Variants in CLIP4 observed in about 807,000 individuals in gnomAD.
The protein encoded by CLIP4 is CAP-Gly domain-containing linker protein 4.
Under a neutral mutation model 73.1 loss-of-function variants are expected in CLIP4, and 47 were observed. The ratio of observed to expected loss-of-function variants is 0.64; its 90% CI spans 0.51 to 0.82. The LOEUF (loss-of-function observed/expected upper bound fraction) is 0.82, where lower values mean the gene tolerates loss of function less well. Ranked by LOEUF, CLIP4 falls within the 40% of genes least tolerant of loss-of-function variation. The probability of loss-of-function intolerance (pLI) is 0.00; values close to 1 mark genes in which losing one functional copy is unlikely to be tolerated. For synonymous variants in CLIP4, 306 were observed against 295.4 expected (o/e 1.04, Z -0.37); for missense variants, 874 against 852.9 (o/e 1.02, Z -0.31).
intron 5 of CLIP4, among the ~76,000 whole-genome samples, chr2:29,135,055 T>C (rs2147962191): frequency 1.3e-5 from 2 of 152,326 alleles, no homozygotes; most frequent in African/African-American, 4.8e-5. Context: ...TCCATAGTTG[T>C]AGCATGGAAG....
chr2:29,151,530 T>C (rs201579036), intron 8 of CLIP4, among the ~76,000 whole-genome samples: 2 of 151,790 alleles, frequency 1.3e-5, no homozygotes, highest in African/African-American at 4.8e-5. Flanking sequence ...TAAATAAGTT[T>C]AAAAAAGATA....
Position 29,146,224 on chromosome 2 carries a change from C to T in CLIP4, c.1021+857C>T, listed in dbSNP as rs536854835. Among the ~76,000 whole-genome samples, 14 of 152,206 alleles carry T rather than the reference C, an allele frequency of 9.2e-5. No individual in the cohort carries two copies. The East Asian group carries it at 2.5e-3, about 27-fold the overall frequency. On this transcript the variant is annotated intron_variant, in intron 8 of 15. Transcript: ENST00000320081. ...CAGCAGTATAGTGATTGGGAGAAGGCCTCTGACCAGGGGCACGCCCAGCTC... is the reference window on the plus strand; with the variant it reads ...CAGCAGTATAGTGATTGGGAGAAGGTCTCTGACCAGGGGCACGCCCAGCTC...
At chr2:29,106,465 A>ACAGCTATT (rs1268645259) in intron 1 of CLIP4, among the ~76,000 whole-genome samples, 6 of 152,178 alleles carry the variant, frequency 3.9e-5, no homozygotes, top group African/African-American at 1.4e-4. Flanking sequence ...TCTTATGATC[A>ACAGCTATT]CAGCTATTCA....
rs1358391551 is a variant in CLIP4 at position 29,167,474 on chromosome 2, A to G, written c.1659-2A>G. Reference sequence around the variant, plus strand: ...ACGAGATGTCCTTTGTTTTATTCATAGAGTAACAGATTCCCTGGATACCCT... The same window carrying G: ...ACGAGATGTCCTTTGTTTTATTCATGGAGTAACAGATTCCCTGGATACCCT... On this transcript the variant is annotated splice_acceptor_variant, in intron 13 of 15. Transcript: ENST00000320081. LOFTEE classifies it high-confidence loss of function. The G allele has an allele frequency of 6.2e-7, 1 of 1,600,490 alleles. No homozygotes were observed. The highest frequency in any genetic ancestry group is 2.3e-5 in the East Asian group (1 of 44,132).
chr2:29,139,548 T>C (rs1333210642), intron 6 of CLIP4, among the ~76,000 whole-genome samples: 1 of 152,098 alleles, frequency 6.6e-6, no homozygotes, highest in East Asian at 1.9e-4. Flanking sequence ...ATCATTTTGG[T>C]AGGATTGTTA....
chr2:29,106,421 TGGTG>T (rs1301832987), intron 1 of CLIP4, among the ~76,000 whole-genome samples: 1 of 152,196 alleles, frequency 6.6e-6, no homozygotes, highest in African/African-American at 2.4e-5. Flanking sequence ...CACTGTTCTT[TGGTG>T]GGTGGGTGGT....
intron 12 of CLIP4, among the ~76,000 whole-genome samples, chr2:29,161,503 C>T (rs1189387306): frequency 2.6e-5 from 4 of 151,974 alleles, no homozygotes; most frequent in Non-Finnish European, 5.9e-5. Flanking sequence ...CTAACAAATT[C>T]GCCTGCCACA....
At chr2:29,123,159 A>G (rs1222545439) in intron 2 of CLIP4, among the ~76,000 whole-genome samples, 1 of 152,186 alleles carries the variant, frequency 6.6e-6, no homozygotes, top group Non-Finnish European at 1.5e-5. Flanking sequence ...TAGTTTGAAC[A>G]TTTTAACTTA....
intron 1 of CLIP4, among the ~76,000 whole-genome samples, chr2:29,101,300 C>CA (rs1174781959): frequency 0.027 from 2,293 of 83,388 alleles, 26 homozygotes; most frequent in Non-Finnish European, 0.037. Flanking sequence ...CCCCCCAAAA[C>CA]AAAAAAAAAA....
intron 9 of CLIP4, 43 bp downstream of exon 9, chr2:29,152,871 A>T (rs763402126): frequency 3.8e-6 from 6 of 1,593,408 alleles, no homozygotes; most frequent in Non-Finnish European, 5.1e-6. Context: ...CAGTGTTTTA[A>T]TTTTATTTGT....
chr2:29,141,049 G>A (rs13414059), intron 6 of CLIP4, among the ~76,000 whole-genome samples: 123,888 of 152,068 alleles, frequency 0.81, 50,748 homozygotes, highest in East Asian at 0.99. Flanking sequence ...TGTTTCAAAG[G>A]ATTTTTTTTG....
intron 14 of CLIP4, among the ~76,000 whole-genome samples, chr2:29,172,460 T>A (rs568230323): frequency 6.6e-6 from 1 of 152,268 alleles, no homozygotes; most frequent in South Asian, 2.1e-4. Context: ...GTTGTGCTGT[T>A]TTTGGCTTCT....
intron 4 of CLIP4, 40 bp from the exon 5 acceptor site, chr2:29,133,615 A>C: frequency 6.4e-7 from 1 of 1,571,496 alleles, no homozygotes; most frequent in Non-Finnish European, 8.6e-7. Context: ...GGAACTTAAA[A>C]TTTGTACTAA....
intron 10 of CLIP4, among the ~76,000 whole-genome samples, 191 bp from the exon 11 acceptor site, chr2:29,157,013 G>A (rs139533179): frequency 4.6e-5 from 7 of 152,130 alleles, no homozygotes; most frequent in African/African-American, 1.7e-4. Flanking sequence ...AAATATTATT[G>A]CTTGTGTTAT....
chr2:29,134,209 C>T (rs1291556002), intron 5 of CLIP4, among the ~76,000 whole-genome samples: 1 of 152,038 alleles, frequency 6.6e-6, no homozygotes, highest in Non-Finnish European at 1.5e-5. Context: ...GCATTTGGTT[C>T]TGAAATTATA....
At chr2:29,157,966 CT>C (rs1316141376) in intron 11 of CLIP4, among the ~76,000 whole-genome samples, 1 of 152,146 alleles carries the variant, frequency 6.6e-6, no homozygotes, top group Non-Finnish European at 1.5e-5. Flanking sequence ...TTACCAGATT[CT>C]TTTTTTAGTG....
chr2:29,131,707 A>G lies in CLIP4; in HGVS notation c.273+310A>G, dbSNP rs558517691. 1.6e-5 allele frequency: 4 copies of G among 256,648 alleles called. No individual in the cohort carries two copies. In the South Asian group the frequency reaches 2.9e-4, roughly 18 times the overall value. 15.9% of individuals were successfully genotyped at this position (256,648 alleles called of 1,614,324 possible). A position where few individuals can be genotyped will look rare whatever the true frequency, so the allele number is the denominator to read the frequency against. On this transcript the variant is annotated intron_variant, in intron 3 of 15. Transcript: ENST00000320081. ...CATTTCATAAAGGGATTTGATTACC[A>G]TCATGTTCTATTTACACTTTTGGTT... is the stretch of plus-strand genomic sequence containing the variant.
At chr2:29,171,349 GGCATTAAT>G (rs1377992386) in intron 14 of CLIP4, among the ~76,000 whole-genome samples, 1 of 151,860 alleles carries the variant, frequency 6.6e-6, no homozygotes, top group East Asian at 1.9e-4. Flanking sequence ...TTAATTGTTT[GGCATTAAT>G]GTAAGTGGTG....
chr2:29,125,916 T>A (rs1443870106), intron 2 of CLIP4, among the ~76,000 whole-genome samples: 1 of 152,198 alleles, frequency 6.6e-6, no homozygotes, highest in Non-Finnish European at 1.5e-5. Context: ...AGCTCACACT[T>A]GTAATCCCAG....
Sources: allele counts gnomAD v4.1 joint callset (sites outside exome capture counted in the v4.1 genomes callset), GRCh38; gene constraint gnomAD v4.1.1; transcripts MANE v1.5; gene names NCBI Gene and HGNC (gene_info 2026-07-23, HGNC 2026-07-21).